Variants in CAST observed in about 807,000 individuals in gnomAD.
CAST encodes MIR583 host.
In CAST, 76 loss-of-function variants were observed where a neutral mutation model predicts 119.6. That is an observed-to-expected ratio of 0.64 (90% CI 0.53 to 0.77). CAST has a LOEUF of 0.77. Ranked by LOEUF, CAST falls within the 30% of genes least tolerant of loss-of-function variation. The pLI is 0.00. For missense variants in CAST, 953 were observed against 946.5 expected, an observed-to-expected ratio of 1.01 and a Z score of -0.09; for synonymous variants, 319 against 331.6, an observed-to-expected ratio of 0.96 and a Z score of 0.41.
chr5:96,655,940 T>C (rs1748152297), intron 1 of CAST, among the ~76,000 whole-genome samples: 1 of 152,236 alleles, frequency 6.6e-6, no homozygotes. Context: ...TCTCAGACTG[T>C]AATAAACATG....
chr5:95,998,461 G>A, the CAST span, among the ~76,000 whole-genome samples: 102 of 152,102 alleles, frequency 6.7e-4, no homozygotes, highest in South Asian at 5.8e-3. Flanking sequence ...CACTCTGCAT[G>A]TCCATGTACC....
chr5:96,243,112 G>C, the CAST span, among the ~76,000 whole-genome samples: 3 of 151,038 alleles, frequency 2.0e-5, no homozygotes, highest in African/African-American at 7.3e-5. Flanking sequence ...GATAAATAAG[G>C]TATGGTTTCC....
chr5:96,026,855 T>C, the CAST span, among the ~76,000 whole-genome samples: 151 of 152,288 alleles, frequency 9.9e-4, 1 homozygote, highest in East Asian at 0.012. Context: ...TATTTGCAAA[T>C]GTTATGTATG....
chr5:96,267,535 GAAAGA>G, the CAST span, among the ~76,000 whole-genome samples: 1 of 152,124 alleles, frequency 6.6e-6, no homozygotes, highest in Admixed American at 6.5e-5. Context: ...TCAAAGTGCT[GAAAGA>G]AAAGTCTGCC....
the CAST span, among the ~76,000 whole-genome samples, chr5:96,418,192 T>C: frequency 6.6e-6 from 1 of 152,204 alleles, no homozygotes; most frequent in African/African-American, 2.4e-5. Context: ...AGGTTCCACC[T>C]CCAAACGTTG....
the CAST span, among the ~76,000 whole-genome samples, chr5:96,341,442 C>T: frequency 6.6e-6 from 1 of 150,786 alleles, no homozygotes. Flanking sequence ...AACCTGAAAG[C>T]CAGCCTGAAG....
chr5:96,375,704 G>T, the CAST span, among the ~76,000 whole-genome samples: 1 of 151,444 alleles, frequency 6.6e-6, no homozygotes, highest in Non-Finnish European at 1.5e-5. Context: ...GTATAATGTG[G>T]GTTGGCCTTA....
intron 1 of CAST, among the ~76,000 whole-genome samples, chr5:96,618,518 G>T (rs182604050): frequency 6.6e-6 from 1 of 152,232 alleles, no homozygotes; most frequent in African/African-American, 2.4e-5. Context: ...GGAGGGAGAC[G>T]CACGGGTGGG....
intron 1 of CAST, among the ~76,000 whole-genome samples, chr5:96,664,560 C>T (rs188515485): frequency 7.2e-5 from 11 of 152,270 alleles, no homozygotes; most frequent in Admixed American, 6.5e-4. Flanking sequence ...TGCACTGGGC[C>T]TACAGGTGCT....
chr5:96,470,912 C>T, the CAST span, among the ~76,000 whole-genome samples: 2 of 152,008 alleles, frequency 1.3e-5, no homozygotes, highest in Admixed American at 6.6e-5. Flanking sequence ...GCAGATGTTG[C>T]AAATTGTTGA....
At chr5:96,078,773 ATG>A in the CAST span, among the ~76,000 whole-genome samples, 2 of 152,334 alleles carry the variant, frequency 1.3e-5, no homozygotes, top group South Asian at 4.1e-4. Context: ...AGATTTAAGA[ATG>A]TATTTCACAG....
At chr5:96,301,275 C>T in the CAST span, among the ~76,000 whole-genome samples, 59 of 152,282 alleles carry the variant, frequency 3.9e-4, 1 homozygote, top group African/African-American at 1.4e-3. Flanking sequence ...AGTCCACCCC[C>T]ATGATCTAAT....
chr5:96,114,059 C>T, the CAST span, among the ~76,000 whole-genome samples: 3 of 152,054 alleles, frequency 2.0e-5, no homozygotes, highest in Admixed American at 1.3e-4. Flanking sequence ...CATTTTTCAA[C>T]AATAAGTGTA....
chr5:96,448,488 A>C, the CAST span, among the ~76,000 whole-genome samples: 1 of 152,362 alleles, frequency 6.6e-6, no homozygotes, highest in East Asian at 1.9e-4. Flanking sequence ...TGCTAGCTGC[A>C]ATGGAAACAG....
intron 1 of CAST, among the ~76,000 whole-genome samples, chr5:96,605,250 C>G (rs939425085): frequency 1.4e-4 from 21 of 152,230 alleles, no homozygotes; most frequent in Non-Finnish European, 7.3e-5. Flanking sequence ...CTCCCCATCA[C>G]TTTATTTCAT....
the CAST span, among the ~76,000 whole-genome samples, chr5:96,462,386 C>T: frequency 4.8e-3 from 723 of 152,172 alleles, 7 homozygotes; most frequent in African/African-American, 0.017. Flanking sequence ...ATTAGTACAA[C>T]AGGTTATCAT....
the CAST span, among the ~76,000 whole-genome samples, chr5:96,105,356 G>C: frequency 1.3e-5 from 2 of 152,192 alleles, no homozygotes; most frequent in African/African-American, 2.4e-5. Context: ...CATTCAGTAT[G>C]ATATTGGCTG....
chr5:96,738,377 A>T (rs1325174911), intron 11 of CAST, among the ~76,000 whole-genome samples: 1 of 152,166 alleles, frequency 6.6e-6, no homozygotes, highest in Non-Finnish European at 1.5e-5. Flanking sequence ...TGATGTCAGT[A>T]TCAACATCAA....
At chr5:96,356,735 C>G in the CAST span, among the ~76,000 whole-genome samples, 2 of 152,060 alleles carry the variant, frequency 1.3e-5, no homozygotes, top group Non-Finnish European at 2.9e-5. Flanking sequence ...ATTACTGTAG[C>G]CTTGTAGTAT....
Sources: gnomAD v4.1 joint callset for allele counts (sites outside exome capture counted in the v4.1 genomes callset) on GRCh38, gnomAD v4.1.1 for gene constraint, MANE v1.5 for transcripts, NCBI Gene and HGNC (gene_info 2026-07-23, HGNC 2026-07-21) for gene names.